ING3: variants seen among roughly 807,000 people sequenced by gnomAD.
ING3 encodes inhibitor of growth protein 3.
In ING3, 6 loss-of-function variants were observed where a neutral mutation model predicts 64.8. That is an observed-to-expected ratio of 0.09 (90% CI 0.05 to 0.18). ING3 has a LOEUF of 0.18. Among genes scored for constraint, ING3 ranks in the 10% least tolerant of loss-of-function variants. The probability of loss-of-function intolerance (pLI) is 1.00; values close to 1 mark genes in which losing one functional copy is unlikely to be tolerated. For synonymous variants in ING3, 170 were observed against 173.7 expected (o/e 0.98, Z 0.17); for missense variants, 310 against 489.7 (o/e 0.63, Z 3.46).
intron 1 of ING3, 34 bp from the exon 2 acceptor site, chr7:120,951,130 G>GC (rs1361486631): frequency 1.4e-5 from 22 of 1,610,800 alleles, no homozygotes; most frequent in Admixed American, 3.3e-5. Flanking sequence ...TTCGCCGTTG[G>GC]CCCCGCCCCT....
At chr7:120,970,501 T>C (rs1342736671) in intron 9 of ING3, among the ~76,000 whole-genome samples, 187 bp from the exon 10 acceptor site, 2 of 151,884 alleles carry the variant, frequency 1.3e-5, no homozygotes, top group African/African-American at 4.8e-5. Context: ...GTCTGTAAAG[T>C]AGCCAGAACT....
intron 5 of ING3, among the ~76,000 whole-genome samples, chr7:120,965,685 A>G (rs916213231): frequency 2.0e-5 from 3 of 152,256 alleles, no homozygotes; most frequent in Admixed American, 6.5e-5. Context: ...GTGCCAATCT[A>G]TGTATCTCTC....
chr7:120,970,189 G>A (rs533868190), intron 9 of ING3, among the ~76,000 whole-genome samples: 1 of 145,182 alleles, frequency 6.9e-6, no homozygotes, highest in South Asian at 2.1e-4. Context: ...TGAGTGGCTG[G>A]GCGGGGTGGC....
rs559027050 is a variant in ING3, at chr7:120,959,887, C to T, written c.267+4263C>T. ...GTCTCGAACTCCTGACCTCGTGATC[C>T]GCCCGCCTCGGCCTCCCAAAGTGCT... On this transcript the variant is annotated intron_variant, in intron 4 of 11. Coordinates refer to ENST00000315870, the MANE Select transcript of ING3 (RefSeq NM_019071.3). Among the ~76,000 whole-genome samples the T allele has an allele frequency of 1.7e-3, 265 of 151,916 alleles. 2 individuals carry two copies. The highest frequency in any genetic ancestry group is 6.0e-3 in the African/African-American group (250 of 41,446).
chr7:120,967,119 A>T (rs2116680869), intron 6 of ING3, among the ~76,000 whole-genome samples: 1 of 152,318 alleles, frequency 6.6e-6, no homozygotes, highest in South Asian at 2.1e-4. Context: ...ATGGTTGGTA[A>T]GTCAGTGAGT....
intron 3 of ING3, among the ~76,000 whole-genome samples, chr7:120,954,205 C>T (rs1001059989): frequency 2.0e-5 from 3 of 152,080 alleles, no homozygotes; most frequent in African/African-American, 7.2e-5. Context: ...GCGGGTGGAT[C>T]ACCTGAGGTC....
chr7:120,951,694 C>T (rs945099145), intron 2 of ING3, among the ~76,000 whole-genome samples: 3 of 152,120 alleles, frequency 2.0e-5, no homozygotes, highest in Non-Finnish European at 4.4e-5. Flanking sequence ...GAGACCATGG[C>T]AAATGTCAAA....
chr7:120,954,441 A>G (rs539865032), intron 3 of ING3, among the ~76,000 whole-genome samples: 54 of 152,224 alleles, frequency 3.5e-4, no homozygotes, highest in Admixed American at 2.7e-3. Context: ...CTCAAAAAAA[A>G]AAAAGGGTCC....
chr7:120,950,814 T>G lies in ING3; in HGVS notation c.-83T>G. 3.7e-6 allele frequency: 5 copies of G among 1,347,036 alleles called. No individual in the cohort carries two copies. The highest frequency in any genetic ancestry group is 5.2e-6 in the Non-Finnish European group (5 of 969,682). 83.4% of individuals were successfully genotyped at this position (1,347,036 alleles called of 1,614,324 possible). ...GGGTGCTGCTAGCGGAGGCGCCATA[T>G]TGGAGGGGACAAAACTCCGGCGACA... On this transcript the variant is annotated 5_prime_UTR_variant, in exon 1 of 12. Transcript: ENST00000315870.
At chr7:120,954,626 A>G (rs1225551410) in intron 3 of ING3, among the ~76,000 whole-genome samples, 2 of 152,210 alleles carry the variant, frequency 1.3e-5, no homozygotes, top group Non-Finnish European at 2.9e-5. Flanking sequence ...GAGTAAAGAC[A>G]TGTTATATCC....
chr7:120,952,329 T>C (rs923289692), intron 2 of ING3, among the ~76,000 whole-genome samples: 3 of 152,228 alleles, frequency 2.0e-5, no homozygotes, highest in Non-Finnish European at 2.9e-5. Flanking sequence ...GCTTACATTG[T>C]CTATAAAAAG....
chr7:120,954,090 A>G (rs1795807879), intron 3 of ING3, among the ~76,000 whole-genome samples: 1 of 152,140 alleles, frequency 6.6e-6, no homozygotes, highest in African/African-American at 2.4e-5. Context: ...ATTTCTGAAT[A>G]ATAATGCCTT....
intron 5 of ING3, 73 bp downstream of exon 5, chr7:120,964,911 C>G: frequency 1.6e-6 from 2 of 1,230,334 alleles, no homozygotes; most frequent in Non-Finnish European, 1.2e-6. Context: ...CCTTGTCCCA[C>G]AGAGGCTTTT....
At chr7:120,951,579 G>A (rs965352050) in intron 2 of ING3, among the ~76,000 whole-genome samples, 2 of 152,166 alleles carry the variant, frequency 1.3e-5, no homozygotes, top group Admixed American at 1.3e-4. Context: ...GAGCCTTTTC[G>A]TATCGAACTT....
intron 11 of ING3, 117 bp downstream of exon 11, chr7:120,973,360 G>C: frequency 1.5e-6 from 1 of 670,750 alleles, no homozygotes; most frequent in Non-Finnish European, 2.7e-6. Context: ...AGGTATATTA[G>C]TTATATTATG....
At chr7:120,958,094 C>T (rs1385770093) in intron 4 of ING3, among the ~76,000 whole-genome samples, 1 of 152,190 alleles carries the variant, frequency 6.6e-6, no homozygotes, top group Non-Finnish European at 1.5e-5. Context: ...GTGGAAGCTG[C>T]TGTCTCTCAC....
At chr7:120,950,985 T>A in intron 1 of ING3, 61 bp downstream of exon 1, 1 of 1,438,354 alleles carries the variant, frequency 7.0e-7, no homozygotes, top group Non-Finnish European at 9.6e-7. Context: ...AGAGCGCGAG[T>A]GGACGGGCAG....
intron 1 of ING3, 118 bp downstream of exon 1, chr7:120,951,042 G>T: frequency 6.6e-7 from 1 of 1,513,264 alleles, no homozygotes. Context: ...TCTTTCTCAC[G>T]GTAACTGGCA....
chr7:120,971,094 C>A (rs1796064705), intron 10 of ING3, among the ~76,000 whole-genome samples: 1 of 152,152 alleles, frequency 6.6e-6, no homozygotes, highest in African/African-American at 2.4e-5. Context: ...CAACCTGTAA[C>A]TAAACATTTT....
Sources: gnomAD v4.1 joint callset for allele counts (sites outside exome capture counted in the v4.1 genomes callset) on GRCh38, gnomAD v4.1.1 for gene constraint, MANE v1.5 for transcripts, NCBI Gene and HGNC (gene_info 2026-07-23, HGNC 2026-07-21) for gene names.